Variants in ANXA4 observed in about 807,000 individuals in gnomAD.
ANXA4 encodes annexin A4, also known as 35-beta calcimedin.
Under a neutral mutation model 49.8 loss-of-function variants are expected in ANXA4, and 39 were observed. The ratio of observed to expected loss-of-function variants is 0.78; its 90% CI spans 0.61 to 1.02. The LOEUF (loss-of-function observed/expected upper bound fraction) is 1.02. Ranked by LOEUF, ANXA4 falls within the 50% of genes least tolerant of loss-of-function variation. The pLI is 0.00. For missense variants in ANXA4, 360 were observed against 410.1 expected (o/e 0.88, Z 1.05); for synonymous variants, 134 against 152.5 (o/e 0.88, Z 0.89).
At chr2:69,656,311 ATGTATATATATG>A (rs1366146143) in intron 2 of ANXA4, among the ~76,000 whole-genome samples, 10 of 81,562 alleles carry the variant, frequency 1.2e-4, no homozygotes, top group African/African-American at 3.2e-4. Context: ...ATATGTATAT[ATGTATATATATG>A]TATATATATG....
chr2:69,657,244 C>G (rs924406519), intron 2 of ANXA4, among the ~76,000 whole-genome samples: 2 of 152,046 alleles, frequency 1.3e-5, no homozygotes, highest in Admixed American at 6.6e-5. Flanking sequence ...CCACCCACCT[C>G]GACCTCCCAA....
intron 2 of ANXA4, among the ~76,000 whole-genome samples, chr2:69,687,395 C>T (rs1677827465): frequency 6.6e-6 from 1 of 151,862 alleles, no homozygotes; most frequent in African/African-American, 2.4e-5. Context: ...GTGGTCCCAG[C>T]TAGTCAGGAG....
In ANXA4 at chr2:69,736,229, G is replaced by A. The variant is rs59671387; in HGVS notation, n.864+15358G>A. 7.1e-3 allele frequency among the ~76,000 whole-genome samples: 1,078 copies of A among 152,280 alleles called. 16 individuals are homozygous for A. The highest frequency in any genetic ancestry group is 0.024 in the African/African-American group (1,006 of 41,552). On this transcript the variant is annotated intron_variant and non_coding_transcript_variant, in intron 3 of 3. Coordinates refer to the ANXA4 transcript ENST00000418066. ...TGCCACCTCTTGATTGAGGTGGGGG[G>A]CAGGGTTTTTGGAAGAGCACATGGG...
intron 2 of ANXA4, among the ~76,000 whole-genome samples, chr2:69,787,595 C>T (rs375937056): frequency 6.6e-6 from 1 of 152,120 alleles, no homozygotes; most frequent in African/African-American, 2.4e-5. Context: ...TTTGTCTTCC[C>T]CCCACTCCTT....
intron 1 of ANXA4, among the ~76,000 whole-genome samples, chr2:69,751,524 A>G (rs1399529530): frequency 1.3e-5 from 2 of 151,910 alleles, no homozygotes; most frequent in Admixed American, 6.6e-5. Flanking sequence ...AAAAAAAAAA[A>G]AAAATACAAA....
At chr2:69,723,537 G>C (rs1259267736) in intron 3 of ANXA4, among the ~76,000 whole-genome samples, 5 of 152,162 alleles carry the variant, frequency 3.3e-5, no homozygotes. Flanking sequence ...TCTCCAACCA[G>C]GGTACTTAGG....
intron 8 of ANXA4, 88 bp downstream of exon 8, chr2:69,812,797 C>T (rs1210131900): frequency 8.9e-7 from 1 of 1,126,568 alleles, no homozygotes; most frequent in African/African-American, 1.5e-5. Context: ...ACTTATATTA[C>T]AGTGTATATT....
At chr2:69,756,337 G>A (rs1352189449) in intron 1 of ANXA4, among the ~76,000 whole-genome samples, 1 of 152,198 alleles carries the variant, frequency 6.6e-6, no homozygotes, top group Non-Finnish European at 1.5e-5. Context: ...GGGAAGATGA[G>A]TCACATAGTC....
At chr2:69,687,919 G>A (rs990002083) in intron 2 of ANXA4, among the ~76,000 whole-genome samples, 8 of 152,188 alleles carry the variant, frequency 5.3e-5, no homozygotes, top group African/African-American at 1.9e-4. Context: ...ACGTCAGTAT[G>A]CATCTCTAAA....
chr2:69,682,329 A>T (rs989962867), intron 2 of ANXA4, among the ~76,000 whole-genome samples: 5 of 152,038 alleles, frequency 3.3e-5, no homozygotes, highest in South Asian at 2.1e-4. Context: ...AATTTTTTTT[A>T]AATTTTCTTT....
At chr2:69,673,932 CT>C (rs375121560) in intron 2 of ANXA4, 1 of 152,328 alleles carries the variant, frequency 6.6e-6, no homozygotes, top group East Asian at 1.9e-4. Flanking sequence ...TTTGATGTTC[CT>C]TACCCTACAC....
chr2:69,757,085 C>G (rs530725919), intron 1 of ANXA4, among the ~76,000 whole-genome samples: 63 of 149,694 alleles, frequency 4.2e-4, no homozygotes, highest in African/African-American at 1.4e-3. Context: ...TGCCACCATG[C>G]CCGGCTAATT....
At chr2:69,728,714 G>A (rs377680904) in intron 3 of ANXA4, among the ~76,000 whole-genome samples, 9 of 152,254 alleles carry the variant, frequency 5.9e-5, no homozygotes, top group African/African-American at 1.9e-4. Flanking sequence ...CTTCCATTCC[G>A]TTTGTCTATT....
chr2:69,700,486 A>G (rs1008175961), intron 2 of ANXA4: 1 of 152,250 alleles, frequency 6.6e-6, no homozygotes, highest in African/African-American at 2.4e-5. Flanking sequence ...TCTTCTCACT[A>G]TTAACAATGT....
intron 1 of ANXA4, among the ~76,000 whole-genome samples, chr2:69,743,556 AC>A (rs1255455604): frequency 6.6e-6 from 1 of 152,174 alleles, no homozygotes; most frequent in Non-Finnish European, 1.5e-5. Context: ...GAATTCTCAG[AC>A]ACAGGTGGAA....
chr2:69,709,771 T>C (rs1210062973), intron 2 of ANXA4, among the ~76,000 whole-genome samples: 2 of 152,192 alleles, frequency 1.3e-5, no homozygotes, highest in African/African-American at 2.4e-5. Context: ...TTGTTATTAA[T>C]AGTATCACGA....
chr2:69,746,301 C>T (rs1396338450), intron 1 of ANXA4, among the ~76,000 whole-genome samples: 3 of 152,268 alleles, frequency 2.0e-5, no homozygotes, highest in Non-Finnish European at 2.9e-5. Context: ...TGAGCCACTG[C>T]GCCCGGCCAA....
chr2:69,699,623 C>A (rs1314592161), intron 2 of ANXA4, among the ~76,000 whole-genome samples: 3 of 152,028 alleles, frequency 2.0e-5, no homozygotes, highest in South Asian at 2.1e-4. Context: ...GACAGTGAGA[C>A]CCTGTCCCAA....
At chr2:69,687,371 A>G (rs961424564) in intron 2 of ANXA4, among the ~76,000 whole-genome samples, 4 of 152,044 alleles carry the variant, frequency 2.6e-5, no homozygotes, top group African/African-American at 9.7e-5. Flanking sequence ...AGCTGGGAAT[A>G]GTGGCACACA....
Sources: allele counts gnomAD v4.1 joint callset (sites outside exome capture counted in the v4.1 genomes callset), GRCh38; gene constraint gnomAD v4.1.1; transcripts MANE v1.5; gene names NCBI Gene and HGNC (gene_info 2026-07-23, HGNC 2026-07-21).